The following AKIRIN1 variants were observed in gnomAD, a reference collection of about 807,000 sequenced individuals.
AKIRIN1 encodes the protein akirin-1.
AKIRIN1 carries 4 observed loss-of-function variants against 25.9 expected under a neutral mutation model. That is an observed-to-expected ratio of 0.15 (90% CI 0.08 to 0.35). The LOEUF (loss-of-function observed/expected upper bound fraction) is 0.35, where lower values mean the gene tolerates loss of function less well. Among genes scored for constraint, AKIRIN1 ranks in the 10% least tolerant of loss-of-function variants. AKIRIN1 has a pLI of 1.00. For missense variants in AKIRIN1, 243 were observed against 266.1 expected, an observed-to-expected ratio of 0.91 and a Z score of 0.61; for synonymous variants, 125 against 105.1, an observed-to-expected ratio of 1.19 and a Z score of -1.16.
Position 39,004,360 on chromosome 1 carries a change from C to T in AKIRIN1, c.*305C>T, listed in dbSNP as rs1644017485. 4 of 541,440 alleles carry T rather than the reference C, an allele frequency of 7.4e-6. No homozygotes were observed. Among genetic ancestry groups the T allele is most frequent in the Non-Finnish European group, 1.3e-5 (4 of 296,972 alleles). 33.5% of individuals were successfully genotyped at this position (541,440 alleles called of 1,614,324 possible). A position where few individuals can be genotyped will look rare whatever the true frequency, so the allele number is the denominator to read the frequency against. ...CAGTGGCATTCAACAAATGGAGTTT[C>T]CCCAAGCACAGTTCTGTAAGAAGTG... On this transcript the variant is annotated 3_prime_UTR_variant, in exon 5 of 5. Transcript: ENST00000432648.
rs1468957193 is a variant in AKIRIN1, at chr1:39,004,926, A to C, written c.*871A>C. ...ATCAGGGTTGGCTTGGGAGCATGAG[A>C]GGTGAGCCCAGGGCTAGGCCTGGGC... is the stretch of plus-strand genomic sequence containing the variant. On this transcript the variant is annotated 3_prime_UTR_variant, in exon 5 of 5. Transcript: ENST00000432648. 1 of 152,380 alleles carries C rather than the reference A, an allele frequency of 6.6e-6. No homozygotes were observed. The highest frequency in any genetic ancestry group is 1.5e-5 in the Non-Finnish European group (1 of 68,146). The allele number at this position is 152,380 out of a possible 1,614,324, so 9.4% of individuals were successfully genotyped here.
chr1:38,991,874 C>G (rs866109481), intron 1 of AKIRIN1, among the ~76,000 whole-genome samples: 4 of 152,110 alleles, frequency 2.6e-5, no homozygotes, highest in Non-Finnish European at 4.4e-5. Flanking sequence ...TACCTCTGGC[C>G]GCTCCGGGCC....
rs1644009580 is a variant in AKIRIN1 at position 39,003,405 on chromosome 1, A to G, written c.555A>G (p.Thr185=). The change falls in exon 4 of 5, where the codon ACA becomes ACG. Residue 185 remains threonine, a synonymous_variant. Transcript: ENST00000432648. ...ATCAGATTATGCGACGGTATGGGAC[A>G]AGGCCAACAAGCTGTAAGTATTGCC... ...THDQIMRRYG[T]RPTSYVS The G allele has an allele frequency of 6.2e-7, 1 of 1,613,354 alleles. No individual in the cohort carries two copies. Among genetic ancestry groups the G allele is most frequent in the Non-Finnish European group, 8.5e-7 (1 of 1,179,888 alleles).
chr1:38,998,279 A>G lies in AKIRIN1; in HGVS notation c.329A>G (p.His110Arg), dbSNP rs1557642154. 3.1e-6 allele frequency: 5 copies of G among 1,613,126 alleles called. No individual in the cohort carries two copies. Among genetic ancestry groups the G allele is most frequent in the Non-Finnish European group, 4.2e-6 (5 of 1,179,630 alleles). The part of the protein sequence containing the change: ...SEACASESQP[H>R]SSALTAPSSP... ...GCTTGTGCTTCGGAAAGTCAACCTC[A>G]CTCCTCAGCACTCACAGCACCTAGC... The change falls in exon 2 of 5, where the codon CAC becomes CGC. Residue 110 changes from histidine to arginine, a missense_variant. Transcript: ENST00000432648.
At chr1:38,996,634 A>G (rs1271494966) in intron 1 of AKIRIN1, among the ~76,000 whole-genome samples, 2 of 151,862 alleles carry the variant, frequency 1.3e-5, no homozygotes, top group Non-Finnish European at 2.9e-5. Flanking sequence ...GGTTCAAGAG[A>G]TTCTCCTGCC....
chr1:38,992,733 G>C (rs1430375556), intron 1 of AKIRIN1, among the ~76,000 whole-genome samples: 1 of 152,044 alleles, frequency 6.6e-6, no homozygotes, highest in African/African-American at 2.4e-5. Flanking sequence ...ATCTTACCTA[G>C]TCAGTCTCTT....
intron 1 of AKIRIN1, among the ~76,000 whole-genome samples, chr1:38,993,174 G>C (rs1010382175): frequency 1.3e-5 from 2 of 152,188 alleles, no homozygotes; most frequent in Non-Finnish European, 2.9e-5. Flanking sequence ...TAAAGTGATG[G>C]GTTTAATGTA....
At chr1:38,996,182 C>T (rs2148066225) in intron 1 of AKIRIN1, among the ~76,000 whole-genome samples, 1 of 151,900 alleles carries the variant, frequency 6.6e-6, no homozygotes, top group Middle Eastern at 3.5e-3. Flanking sequence ...GCAATCTCCA[C>T]CTCCTGGGTT....
intron 1 of AKIRIN1, among the ~76,000 whole-genome samples, chr1:38,993,790 G>A (rs1557640751): frequency 6.6e-6 from 1 of 152,020 alleles, no homozygotes; most frequent in Non-Finnish European, 1.5e-5. Flanking sequence ...GAATTCTAAG[G>A]CCGGGCGCAG....
At position 39,001,009 on chromosome 1, in the gene AKIRIN1, C is replaced by A; in HGVS notation, c.399C>A (p.Thr133=). ...TGAAGAAGGACCAGCCCACATTTAC[C>A]CTCCGACAAGTTGGCATAATATGTG... is the stretch of plus-strand genomic sequence containing the variant. The part of the protein sequence containing the change: ...SWMKKDQPTF[T]LRQVGIICER... Residue 133 remains threonine (T), a synonymous_variant, in exon 3 of 5, where the codon ACC becomes ACA. Coordinates refer to ENST00000432648, the MANE Select transcript of AKIRIN1 (RefSeq NM_024595.3). The A allele has an allele frequency of 6.2e-7, 1 of 1,613,600 alleles. No individual in the cohort carries two copies. Among genetic ancestry groups the A allele is most frequent in the Non-Finnish European group, 8.5e-7 (1 of 1,179,826 alleles).
At chr1:38,997,530 C>G (rs544638758) in intron 1 of AKIRIN1, among the ~76,000 whole-genome samples, 25 of 152,194 alleles carry the variant, frequency 1.6e-4, no homozygotes, top group African/African-American at 6.0e-4. Context: ...CACCCAGGCT[C>G]CCTTGTGGTT....
chr1:39,004,174 G>A lies in AKIRIN1; in HGVS notation c.*119G>A, dbSNP rs1358453850. On this transcript the variant is annotated 3_prime_UTR_variant, in exon 5 of 5. Coordinates refer to ENST00000432648, the MANE Select transcript of AKIRIN1 (RefSeq NM_024595.3). Reference sequence around the variant, plus strand: ...CTTTGCATCCTGAGAACACTTAAACGTTTCTGCAGGTCCATTTTATACAAC... The same window carrying A: ...CTTTGCATCCTGAGAACACTTAAACATTTCTGCAGGTCCATTTTATACAAC... 5.6e-6 allele frequency: 6 copies of A among 1,080,956 alleles called. No homozygotes were observed. The highest frequency in any genetic ancestry group is 1.3e-5 in the South Asian group (1 of 79,546). 67.0% of individuals were successfully genotyped at this position (1,080,956 alleles called of 1,614,324 possible). A position where few individuals can be genotyped will look rare whatever the true frequency, so the allele number is the denominator to read the frequency against.
At chr1:38,999,777 A>G (rs969302755) in intron 2 of AKIRIN1, among the ~76,000 whole-genome samples, 2 of 152,262 alleles carry the variant, frequency 1.3e-5, no homozygotes, top group Non-Finnish European at 2.9e-5. Flanking sequence ...TGGCTAACAA[A>G]TGGCCAAAGA....
intron 2 of AKIRIN1, among the ~76,000 whole-genome samples, chr1:38,999,942 G>T (rs531506919): frequency 6.6e-6 from 1 of 151,930 alleles, no homozygotes; most frequent in South Asian, 2.1e-4. Flanking sequence ...GAGTGCAGTG[G>T]CGTCATCTCA....
rs1487659050 is a variant in AKIRIN1 at position 38,991,347 on chromosome 1, C to T, written c.-34C>T. 8.2e-6 allele frequency: 11 copies of T among 1,333,614 alleles called. No homozygotes were observed. Among genetic ancestry groups the T allele is most frequent in the South Asian group, 3.7e-5 (2 of 53,822 alleles). The allele number at this position is 1,333,614 out of a possible 1,614,324, so 82.6% of individuals were successfully genotyped here. On this transcript the variant is annotated 5_prime_UTR_variant, in exon 1 of 5. Coordinates refer to ENST00000432648, the MANE Select transcript of AKIRIN1 (RefSeq NM_024595.3). ...GAGCCTCTTGGGCCGCACTTACCGCCGCGTCCGCTCCCGGTCCCTGGCCCC... is the reference window on the plus strand; with the variant it reads ...GAGCCTCTTGGGCCGCACTTACCGCTGCGTCCGCTCCCGGTCCCTGGCCCC...
intron 4 of AKIRIN1, 54 bp from the exon 5 acceptor site, chr1:39,003,991 A>C: frequency 6.6e-7 from 1 of 1,515,194 alleles, no homozygotes; most frequent in Non-Finnish European, 9.1e-7. Flanking sequence ...TTAAAGCATG[A>C]CACTACAGTT....
intron 1 of AKIRIN1, among the ~76,000 whole-genome samples, chr1:38,994,244 A>G (rs1021265644): frequency 1.3e-5 from 2 of 152,214 alleles, no homozygotes; most frequent in South Asian, 2.1e-4. Flanking sequence ...GTATAATGCA[A>G]CTATTCCACA....
chr1:38,997,183 CT>C lies in AKIRIN1; in HGVS notation c.221-981del, dbSNP rs537823656. Among the ~76,000 whole-genome samples the C allele has an allele frequency of 4.9e-4, 74 of 151,924 alleles. 2 individuals carry two copies. The South Asian group carries it at 8.9e-3, about 18-fold the overall frequency. ...TTGTTTGAGATGGATACAGGTATCT[CT>C]TTTTTTAAATTAGTAGGTACAAACA... is the stretch of plus-strand genomic sequence containing the variant. On this transcript the variant is annotated intron_variant, in intron 1 of 4. Coordinates refer to ENST00000432648, the MANE Select transcript of AKIRIN1 (RefSeq NM_024595.3).
intron 4 of AKIRIN1, 21 bp from the exon 5 acceptor site, chr1:39,004,024 T>G (rs766258866): frequency 6.2e-7 from 1 of 1,604,314 alleles, no homozygotes; most frequent in Non-Finnish European, 8.5e-7. Context: ...ACCCTTTTTG[T>G]TTTTTATTCT....
Sources: gnomAD v4.1 joint callset for allele counts (sites outside exome capture counted in the v4.1 genomes callset) on GRCh38, gnomAD v4.1.1 for gene constraint, MANE v1.5 for transcripts, NCBI Gene and HGNC (gene_info 2026-07-23, HGNC 2026-07-21) for gene names.